The following ANK1 variants were observed in gnomAD, a reference collection of about 807,000 sequenced individuals.
The protein encoded by ANK1 is ankyrin 1, also known as ankyrin-1.
A neutral mutation model predicts 210.4 loss-of-function variants in ANK1; 51 were observed. The observed-to-expected ratio is 0.24, with a 90% confidence interval of 0.19 to 0.31. The LOEUF is 0.31. Ranked by LOEUF, ANK1 falls within the 10% of genes least tolerant of loss-of-function variation. ANK1 has a pLI of 1.00. For synonymous variants in ANK1, 967 were observed against 1,025.9 expected (o/e 0.94, Z 1.10); for missense variants, 2,051 against 2,504.4 (o/e 0.82, Z 3.86).
chr8:41,736,536 C>T (rs1309205830), intron 2 of ANK1, among the ~76,000 whole-genome samples: 5 of 152,188 alleles, frequency 3.3e-5, no homozygotes, highest in Admixed American at 2.0e-4. Context: ...AGTGACAGCC[C>T]GGCAGCTGCT....
At chr8:41,824,175 G>A (rs532673082) in intron 1 of ANK1, among the ~76,000 whole-genome samples, 1 of 152,214 alleles carries the variant, frequency 6.6e-6, no homozygotes, top group South Asian at 2.1e-4. Context: ...ATGTTGGCCA[G>A]GCTGGTCTCA....
intron 1 of ANK1, among the ~76,000 whole-genome samples, chr8:41,827,136 A>C (rs1368610603): frequency 6.6e-6 from 1 of 152,244 alleles, no homozygotes; most frequent in Non-Finnish European, 1.5e-5. Flanking sequence ...GCTGATTTTC[A>C]GATTGCTTCA....
At position 41,690,265 on chromosome 8, in the gene ANK1, G is replaced by A; in HGVS notation, c.4066C>T (p.Leu1356Phe). 6.2e-7 allele frequency: 1 copy of A among 1,614,246 alleles called. No individual in the cohort carries two copies. Among genetic ancestry groups the A allele is most frequent in the Non-Finnish European group, 8.5e-7 (1 of 1,180,054 alleles). Reference sequence around the variant, plus strand: ...GGCATGGTGATGTTCAGGTGGCAGAGAATGTGCTGGGTGTCCTCGTACTTC... The same window carrying A: ...GGCATGGTGATGTTCAGGTGGCAGAAAATGTGCTGGGTGTCCTCGTACTTC... Reference protein sequence around the residue: ...AMKYEDTQHILCHLNITMPPC... With the variant: ...AMKYEDTQHIFCHLNITMPPC... The change falls in exon 33 of 43, where the codon CTC (leucine) becomes TTC (phenylalanine). Residue 1356 changes from leucine (L) to phenylalanine (F), a missense_variant. Coordinates refer to ENST00000289734, the MANE Select transcript of ANK1 (RefSeq NM_000037.4).
chr8:41,787,050 C>T (rs1448371591), intron 1 of ANK1, among the ~76,000 whole-genome samples: 1 of 152,164 alleles, frequency 6.6e-6, no homozygotes, highest in Admixed American at 6.5e-5. Flanking sequence ...TTATTTAGTG[C>T]CAGAGACGTC....
chr8:41,827,568 AT>A (rs1805605336), intron 1 of ANK1, among the ~76,000 whole-genome samples: 1 of 152,250 alleles, frequency 6.6e-6, no homozygotes, highest in African/African-American at 2.4e-5. Flanking sequence ...CAGTTATTTT[AT>A]AACATTAAAG....
chr8:41,726,951 A>G (rs1301804575), intron 5 of ANK1, among the ~76,000 whole-genome samples: 2 of 152,208 alleles, frequency 1.3e-5, no homozygotes, highest in African/African-American at 2.4e-5. Flanking sequence ...AAACTTGCCA[A>G]CCATACACAT....
Position 41,704,364 on chromosome 8 carries a change from AC to A in ANK1, c.2196+9del, listed in dbSNP as rs1366629219. 6.2e-7 allele frequency: 1 copy of A among 1,612,714 alleles called. No homozygotes were observed. Among genetic ancestry groups the A allele is most frequent in the Non-Finnish European group, 8.5e-7 (1 of 1,179,020 alleles). On this transcript the variant is annotated intron_variant, in intron 19 of 42. Coordinates refer to ENST00000289734, the MANE Select transcript of ANK1 (RefSeq NM_000037.4). This position sits in a 1 kb window ranked among gnomAD's most constrained non-coding sequence, Gnocchi z 4.1. ...TCAGTGCAGGAGTCGGGGCTGGGGC[AC>A]CCCTGTACCTTGGTCTTGGCATTGA... is the stretch of plus-strand genomic sequence containing the variant.
intron 42 of ANK1, among the ~76,000 whole-genome samples, chr8:41,659,404 G>T (rs774968580): frequency 6.6e-6 from 1 of 152,186 alleles, no homozygotes; most frequent in Admixed American, 6.5e-5. Context: ...TTCTGCCCTT[G>T]TGTGTGTGTC....
At chr8:41,809,310 G>A (rs1802120940) in intron 1 of ANK1, among the ~76,000 whole-genome samples, 1 of 152,206 alleles carries the variant, frequency 6.6e-6, no homozygotes, top group Non-Finnish European at 1.5e-5. Flanking sequence ...GCGCAGCTCT[G>A]TGAAAACTTC....
intron 1 of ANK1, among the ~76,000 whole-genome samples, chr8:41,858,863 T>C (rs1032818944): frequency 1.3e-5 from 2 of 152,198 alleles, no homozygotes; most frequent in Non-Finnish European, 1.5e-5. Flanking sequence ...TCTCATTACC[T>C]GTGTTTGGAA....
chr8:41,721,391 T>C (rs2150647587), intron 9 of ANK1, among the ~76,000 whole-genome samples: 1 of 152,238 alleles, frequency 6.6e-6, no homozygotes, highest in Non-Finnish European at 1.5e-5. Flanking sequence ...GCACTGTAGC[T>C]CACCCCTGTA....
intron 39 of ANK1, chr8:41,665,321 C>A: frequency 7.4e-7 from 1 of 1,358,466 alleles, no homozygotes. Context: ...CCCAAACCAG[C>A]TGCCGGAGCT....
chr8:41,703,958 T>G lies in ANK1; in HGVS notation c.2295+83A>C, dbSNP rs868792949. 18 of 1,324,252 alleles carry G rather than the reference T, an allele frequency of 1.4e-5. 1 individual carries two copies. The Middle Eastern group carries it at 1.8e-3, about 133-fold the overall frequency. The allele number at this position is 1,324,252 out of a possible 1,614,324, so 82.0% of individuals were successfully genotyped here. A position where few individuals can be genotyped will look rare whatever the true frequency, so the allele number is the denominator to read the frequency against. ...CCGTCCAGGCCCTAGACACGTGCAT[T>G]AACCTCTACGGTTAGGGGAGTTCAC... On this transcript the variant is annotated intron_variant, in intron 20 of 42. Coordinates refer to ENST00000289734, the MANE Select transcript of ANK1 (RefSeq NM_000037.4).
upstream of ANK1, among the ~76,000 whole-genome samples, chr8:41,799,796 G>A (rs754126790): frequency 3.3e-5 from 5 of 152,122 alleles, no homozygotes; most frequent in Non-Finnish European, 7.4e-5. Flanking sequence ...AAAAGGCCAG[G>A]CATGCTCAGG....
chr8:41,776,850 C>T lies in ANK1; in HGVS notation c.28-18713G>A, dbSNP rs1306340329. 2.0e-5 allele frequency among the ~76,000 whole-genome samples: 3 copies of T among 152,370 alleles called. No individual in the cohort carries two copies. In the East Asian group the frequency reaches 5.8e-4, roughly 29 times the overall value. On this transcript the variant is annotated intron_variant, in intron 1 of 42. Transcript: ENST00000289734. ...CTCCTTTCAACGGGGTGCTTAGCAG[C>T]TACCACTCGAAAACACCTTGGCGTC...
chr8:41,697,512 C>T (rs570208552), intron 24 of ANK1, among the ~76,000 whole-genome samples: 2 of 152,194 alleles, frequency 1.3e-5, no homozygotes, highest in South Asian at 2.1e-4. Flanking sequence ...CTGGTTAGGG[C>T]CTCCCTGCTC....
At chr8:41,701,708 T>C in intron 21 of ANK1, 86 bp from the exon 22 acceptor site, 1 of 1,361,414 alleles carries the variant, frequency 7.3e-7, no homozygotes, top group Non-Finnish European at 1.0e-6. Flanking sequence ...GTCATGCCTG[T>C]GGGGTTTCCC....
intron 9 of ANK1, 146 bp downstream of exon 9, chr8:41,722,979 G>A (rs1829657229): frequency 1.0e-5 from 8 of 789,790 alleles, no homozygotes; most frequent in Middle Eastern, 2.6e-4. Flanking sequence ...AGTCTCCTAC[G>A]TGATAGGCCT....
intron 33 of ANK1, among the ~76,000 whole-genome samples, chr8:41,689,538 A>G (rs1267229189): frequency 6.6e-6 from 1 of 152,220 alleles, no homozygotes; most frequent in Non-Finnish European, 1.5e-5. Context: ...TTCCTAGTTT[A>G]GCATGGAAGG....
Sources: allele counts gnomAD v4.1 joint callset (sites outside exome capture counted in the v4.1 genomes callset), GRCh38; gene constraint gnomAD v4.1.1; non-coding constraint Gnocchi (gnomAD v3.1); transcripts MANE v1.5; gene names NCBI Gene and HGNC (gene_info 2026-07-23, HGNC 2026-07-21).